The following CACNA1E variants were observed in gnomAD, a reference collection of about 807,000 sequenced individuals.
CACNA1E encodes the protein calcium voltage-gated channel subunit alpha1 E.
A neutral mutation model predicts 259.2 loss-of-function variants in CACNA1E; 40 were observed. That is an observed-to-expected ratio of 0.15 (90% CI 0.12 to 0.20). The LOEUF (loss-of-function observed/expected upper bound fraction) is 0.20. Ranked by LOEUF, CACNA1E falls within the 10% of genes least tolerant of loss-of-function variation. CACNA1E has a pLI of 1.00. For missense variants in CACNA1E, 1,874 were observed against 3,040.1 expected (o/e 0.62, Z 9.02); for synonymous variants, 1,104 against 1,138.5 (o/e 0.97, Z 0.61).
intron 7 of CACNA1E, among the ~76,000 whole-genome samples, chr1:181,705,524 A>T (rs1652710678): frequency 1.3e-5 from 2 of 152,214 alleles, no homozygotes; most frequent in African/African-American, 4.8e-5. Context: ...TTGCATACAT[A>T]TGTAGCATCT....
At chr1:181,393,301 T>TA (rs1656429018) in intron 1 of CACNA1E, among the ~76,000 whole-genome samples, 1 of 152,224 alleles carries the variant, frequency 6.6e-6, no homozygotes. Context: ...ATACCTTCCT[T>TA]ACAGCATTAT....
intron 2 of CACNA1E, among the ~76,000 whole-genome samples, chr1:181,450,133 G>A (rs999819825): frequency 1.2e-4 from 19 of 152,180 alleles, no homozygotes; most frequent in Non-Finnish European, 1.8e-4. Flanking sequence ...AGAGAGCAAA[G>A]GGGGAAGGGC....
chr1:181,479,886 G>C (rs539276590), upstream of CACNA1E, among the ~76,000 whole-genome samples: 1 of 152,322 alleles, frequency 6.6e-6, no homozygotes, highest in East Asian at 1.9e-4. Context: ...TCTGTCAAGG[G>C]TCGTGATACA....
intron 1 of CACNA1E, among the ~76,000 whole-genome samples, chr1:181,352,788 G>A (rs536242261): frequency 2.5e-4 from 38 of 152,188 alleles, no homozygotes; most frequent in Non-Finnish European, 4.6e-4. Context: ...CTGGGGGACT[G>A]TGCCAGTGTC....
At chr1:181,404,716 G>T (rs1413378920) in intron 1 of CACNA1E, among the ~76,000 whole-genome samples, 5 of 152,150 alleles carry the variant, frequency 3.3e-5, no homozygotes, top group Admixed American at 1.3e-4. Context: ...TCATTGTCAA[G>T]CTTCTTTGAA....
chr1:181,509,855 A>G (rs1254499892), intron 1 of CACNA1E, among the ~76,000 whole-genome samples: 1 of 152,222 alleles, frequency 6.6e-6, no homozygotes, highest in Non-Finnish European at 1.5e-5. Flanking sequence ...AGGTGGGACA[A>G]AGCAAGCCTC....
intron 6 of CACNA1E, among the ~76,000 whole-genome samples, chr1:181,625,992 A>C (rs1160984951): frequency 1.3e-5 from 2 of 152,082 alleles, no homozygotes; most frequent in African/African-American, 4.8e-5. Flanking sequence ...TAGGGAGGCC[A>C]AAAAAGAGGG....
intron 2 of CACNA1E, among the ~76,000 whole-genome samples, chr1:181,422,051 C>A (rs945068076): frequency 1.6e-4 from 25 of 152,340 alleles, no homozygotes; most frequent in South Asian, 1.2e-3. Context: ...TCTACCCTGG[C>A]TCCTGCCGTT....
intron 24 of CACNA1E, among the ~76,000 whole-genome samples, chr1:181,738,846 T>C (rs997171958): frequency 1.3e-5 from 2 of 152,198 alleles, no homozygotes; most frequent in African/African-American, 4.8e-5. Flanking sequence ...ATCCAGGATT[T>C]TACCCATCTG....
intron 1 of CACNA1E, among the ~76,000 whole-genome samples, chr1:181,499,827 C>T (rs774044659): frequency 5.9e-5 from 9 of 152,268 alleles, no homozygotes; most frequent in Non-Finnish European, 1.0e-4. Context: ...TCTTCTAGAC[C>T]GAGGGGAGCC....
chr1:181,713,618 T>C (rs1653605431), intron 8 of CACNA1E, among the ~76,000 whole-genome samples: 1 of 152,220 alleles, frequency 6.6e-6, no homozygotes, highest in Admixed American at 6.5e-5. Context: ...ACTGTCCTTT[T>C]ACTTGTTAAA....
intron 7 of CACNA1E, among the ~76,000 whole-genome samples, chr1:181,705,889 G>A (rs976465205): frequency 6.6e-6 from 1 of 152,188 alleles, no homozygotes; most frequent in Admixed American, 6.5e-5. Flanking sequence ...GTAAGCAGCA[G>A]AGGATACCTA....
chr1:181,439,519 C>G (rs2102287283), intron 2 of CACNA1E, among the ~76,000 whole-genome samples: 1 of 152,192 alleles, frequency 6.6e-6, no homozygotes, highest in African/African-American at 2.4e-5. Flanking sequence ...AGGATGAACC[C>G]CTTAAGGACA....
rs1358468493 is a variant in CACNA1E, at chr1:181,732,325, AC to A, written c.2298-56del. 8.3e-6 allele frequency: 12 copies of A among 1,449,348 alleles called. No homozygotes were observed. The highest frequency in any genetic ancestry group is 9.1e-6 in the Non-Finnish European group (10 of 1,104,342). 89.8% of individuals were successfully genotyped at this position (1,449,348 alleles called of 1,614,324 possible). On this transcript the variant is annotated intron_variant, in intron 19 of 47. Coordinates refer to ENST00000367573, the MANE Select transcript of CACNA1E (RefSeq NM_001205293.3). The surrounding 1 kb of genome is among the most constrained non-coding windows in gnomAD (Gnocchi z 5.5). ...GCCCTCTCACATGGCCCCTGTGGCC[AC>A]CCTCCCTGCCTGCAGCTTCTGGGCT...
chr1:181,642,368 A>G (rs1572465628), intron 6 of CACNA1E, among the ~76,000 whole-genome samples: 1 of 152,140 alleles, frequency 6.6e-6, no homozygotes, highest in South Asian at 2.1e-4. Flanking sequence ...AATGATGGCG[A>G]CCAGAAGGAC....
chr1:181,782,717 G>C lies in CACNA1E; in HGVS notation c.5365-962G>C, dbSNP rs115154658. ...CCCAGATAGCATCTCACTGGAACAT[G>C]GCCATTAGGGACCCTCATTCCCCCC... On this transcript the variant is annotated intron_variant, in intron 39 of 47. Coordinates refer to ENST00000367573, the MANE Select transcript of CACNA1E (RefSeq NM_001205293.3). 8.5e-3 allele frequency among the ~76,000 whole-genome samples: 1,288 copies of C among 152,220 alleles called. 23 individuals are homozygous for C. The highest frequency in any genetic ancestry group is 0.029 in the African/African-American group (1,217 of 41,528).
intron 6 of CACNA1E, among the ~76,000 whole-genome samples, chr1:181,595,421 C>A (rs569912328): frequency 6.6e-6 from 1 of 152,354 alleles, no homozygotes; most frequent in African/African-American, 2.4e-5. Flanking sequence ...AAGCTCTTGG[C>A]AGCACATGTT....
At chr1:181,534,180 A>G (rs1667981319) in intron 3 of CACNA1E, among the ~76,000 whole-genome samples, 1 of 152,120 alleles carries the variant, frequency 6.6e-6, no homozygotes, top group African/African-American at 2.4e-5. Flanking sequence ...TGTTATGGTG[A>G]ATACTCTTTA....
intron 1 of CACNA1E, among the ~76,000 whole-genome samples, chr1:181,335,353 C>T (rs113587764): frequency 1.4e-4 from 21 of 152,272 alleles, no homozygotes; most frequent in Non-Finnish European, 2.6e-4. Context: ...AAGACTGAAA[C>T]GGGAGTACTG....
Sources: allele counts gnomAD v4.1 joint callset (sites outside exome capture counted in the v4.1 genomes callset), GRCh38; gene constraint gnomAD v4.1.1; non-coding constraint Gnocchi (gnomAD v3.1); transcripts MANE v1.5; gene names NCBI Gene and HGNC (gene_info 2026-07-23, HGNC 2026-07-21).